The following IRX5 variants were observed in gnomAD, a reference collection of about 807,000 sequenced individuals.
The protein encoded by IRX5 is iroquois-class homeodomain protein IRX-5.
A neutral mutation model predicts 37.6 loss-of-function variants in IRX5; 8 were observed. That is an observed-to-expected ratio of 0.21 (90% CI 0.12 to 0.38). IRX5 has a LOEUF of 0.38. Ranked by LOEUF, IRX5 falls within the 10% of genes least tolerant of loss-of-function variation. The pLI, the probability that IRX5 is intolerant of heterozygous loss-of-function variation, is 1.00. For missense variants in IRX5, 635 were observed against 695.2 expected (o/e 0.91, Z 0.97); for synonymous variants, 359 against 328.6 (o/e 1.09, Z -1.00).
Position 54,932,209 on chromosome 16 carries a change from G to T in IRX5, c.250-289G>T. On this transcript the variant is annotated intron_variant, in intron 1 of 2. Transcript: ENST00000394636. This position sits in a 1 kb window ranked among gnomAD's most constrained non-coding sequence, Gnocchi z 6.7. ...CCGCCGTGGCCAGATCTGCGCACGG[G>T]GTACGGACGTGCCCGGGCAGATGGG... 2 of 700,678 alleles carry T rather than the reference G, an allele frequency of 2.9e-6. No individual in the cohort carries two copies. Among genetic ancestry groups the T allele is most frequent in the Non-Finnish European group, 5.2e-6 (2 of 383,592 alleles). The allele number at this position is 700,678 out of a possible 1,614,324, so 43.4% of individuals were successfully genotyped here. A position where few individuals can be genotyped will look rare whatever the true frequency, so the allele number is the denominator to read the frequency against.
At position 54,932,925 on chromosome 16, in the gene IRX5, C is replaced by T; in HGVS notation, c.655+22C>T. 1 of 1,594,512 alleles carries T rather than the reference C, an allele frequency of 6.3e-7. No individual in the cohort carries two copies. Among genetic ancestry groups the T allele is most frequent in the Middle Eastern group, 1.7e-4 (1 of 5,860 alleles). On this transcript the variant is annotated intron_variant, in intron 2 of 2. Coordinates refer to ENST00000394636, the MANE Select transcript of IRX5 (RefSeq NM_005853.6). The surrounding 1 kb of genome is among the most constrained non-coding windows in gnomAD (Gnocchi z 6.7). ...GCAGGTTGGTGGACATGGGAAAGGG[C>T]GTGTTGGGCGGGAGTAAAAAGGAAA...
chr16:54,931,286 G>A lies in IRX5; in HGVS notation c.88G>A (p.Gly30Arg), dbSNP rs773663250. 1 of 1,612,554 alleles carries A rather than the reference G, an allele frequency of 6.2e-7. No individual in the cohort carries two copies. Among genetic ancestry groups the A allele is most frequent in the Admixed American group, 1.7e-5 (1 of 59,990 alleles). ...GGCGTACAGCACCAGCGTCATTTCG[G>A]GGCCCCGCACGGATGAGCTCGGCCG... ...CPAYSTSVIS[G>R]PRTDELGRSS... is the part of the protein sequence containing the mutation. The change falls in exon 1 of 3, where the codon GGG becomes AGG. Residue 30 changes from glycine to arginine, a missense_variant. By Grantham distance (125) the Gly-to-Arg change is moderately radical. Coordinates refer to ENST00000394636, the MANE Select transcript of IRX5 (RefSeq NM_005853.6).
rs891349249 is a variant in IRX5 at position 54,932,225 on chromosome 16, G to A, written c.250-273G>A. 7 of 693,798 alleles carry A rather than the reference G, an allele frequency of 1.0e-5. No homozygotes were observed. The African/African-American group carries it at 1.1e-4, about 10-fold the overall frequency. 43.0% of individuals were successfully genotyped at this position (693,798 alleles called of 1,614,324 possible). ...TGCGCACGGGGTACGGACGTGCCCG[G>A]GCAGATGGGGGCCTACGGGGTGACA... On this transcript the variant is annotated intron_variant, in intron 1 of 2. Coordinates refer to ENST00000394636, the MANE Select transcript of IRX5 (RefSeq NM_005853.6). This position sits in a 1 kb window ranked among gnomAD's most constrained non-coding sequence, Gnocchi z 6.7.
At position 54,933,447 on chromosome 16, in the gene IRX5, A is replaced by C; in HGVS notation, c.1026A>C (p.Thr342=). ...PKLWSLAEIA[T]SSDKVKDGGG... ...TGTGGTCTTTGGCAGAGATCGCCAC[A>C]TCGTCGGACAAGGTCAAGGACGGGG... The change falls in exon 3 of 3, where the codon ACA becomes ACC. Residue 342 remains threonine (T), a synonymous_variant. Transcript: ENST00000394636. 3 of 1,611,744 alleles carry C rather than the reference A, an allele frequency of 1.9e-6. No homozygotes were observed. The highest frequency in any genetic ancestry group is 2.5e-6 in the Non-Finnish European group (3 of 1,179,460).
rs1963917531 is a variant in IRX5, at chr16:54,932,931, G to A, written c.655+28G>A. ...TGGTGGACATGGGAAAGGGCGTGTT[G>A]GGCGGGAGTAAAAAGGAAAAGAGAG... On this transcript the variant is annotated intron_variant, in intron 2 of 2. Coordinates refer to ENST00000394636, the MANE Select transcript of IRX5 (RefSeq NM_005853.6). The surrounding 1 kb of genome is among the most constrained non-coding windows in gnomAD (Gnocchi z 6.7). The A allele has an allele frequency of 6.3e-7, 1 of 1,592,364 alleles. No homozygotes were observed. The highest frequency in any genetic ancestry group is 2.2e-5 in the East Asian group (1 of 44,626).
In IRX5 at chr16:54,933,815, A is replaced by T. The variant is rs147189488; in HGVS notation, c.1394A>T (p.Gln465Leu). 17 of 1,614,032 alleles carry T rather than the reference A, an allele frequency of 1.1e-5. No homozygotes were observed. In the African/African-American group the frequency reaches 1.9e-4, roughly 18 times the overall value. Residue 465 changes from glutamine (Q) to leucine (L), a missense_variant, in exon 3 of 3, where the codon CAG (glutamine) becomes CTG (leucine). By Grantham distance (113) the Gln-to-Leu change is moderately radical (BLOSUM62 -2). Coordinates refer to ENST00000394636, the MANE Select transcript of IRX5 (RefSeq NM_005853.6). ...CCGAAAATGTTGCGGAGCCAGTCTC[A>T]GCTAGACCTGTGCAAAGACTCTCCC... Reference protein sequence around the residue: ...KDPKMLRSQSQLDLCKDSPYE... With the variant: ...KDPKMLRSQSLLDLCKDSPYE...
Position 54,932,328 on chromosome 16 carries a change from G to A in IRX5, c.250-170G>A, listed in dbSNP as rs1004521316. On this transcript the variant is annotated intron_variant, in intron 1 of 2. Coordinates refer to ENST00000394636, the MANE Select transcript of IRX5 (RefSeq NM_005853.6). The surrounding 1 kb of genome is among the most constrained non-coding windows in gnomAD (Gnocchi z 6.7). ...GGTCCCCGCTGCCTTCTGAGGAGGG[G>A]GAGGAGTTGCTCCTAGGTCTGAACC... 1.4e-6 allele frequency: 1 copy of A among 736,338 alleles called. No homozygotes were observed. The highest frequency in any genetic ancestry group is 2.2e-6 in the Non-Finnish European group (1 of 456,156). The allele number at this position is 736,338 out of a possible 1,614,324, so 45.6% of individuals were successfully genotyped here.
rs770378226 is a variant in IRX5, at chr16:54,933,149, C to T, written c.728C>T (p.Thr243Met). ...QGPPTPAGKE[T>M]EGSLSDSDFK... ...CCACCCACCCCTGCAGGCAAGGAGA[C>T]GGAGGGCAGCCTCAGCGACTCGGAT... Residue 243 changes from threonine (T) to methionine (M), a missense_variant, in exon 3 of 3, where the codon ACG becomes ATG. Transcript: ENST00000394636. 1 of 1,580,016 alleles carries T rather than the reference C, an allele frequency of 6.3e-7. No individual in the cohort carries two copies. The highest frequency in any genetic ancestry group is 8.5e-7 in the Non-Finnish European group (1 of 1,170,502).
chr16:54,931,727 T>G (rs1459947029), intron 1 of IRX5, among the ~76,000 whole-genome samples: 3 of 152,242 alleles, frequency 2.0e-5, no homozygotes, highest in Admixed American at 6.5e-5. Context: ...GGTGTAAACG[T>G]AAGCTCCGGG....
Position 54,932,188 on chromosome 16 carries a change from C to A in IRX5, c.250-310C>A. 2 of 702,804 alleles carry A rather than the reference C, an allele frequency of 2.8e-6. No homozygotes were observed. The highest frequency in any genetic ancestry group is 5.2e-6 in the Non-Finnish European group (2 of 384,962). The allele number at this position is 702,804 out of a possible 1,614,324, so 43.5% of individuals were successfully genotyped here. ...CTATCTGCATGGAGGGCCGGGCCGC[C>A]GTGGCCAGATCTGCGCACGGGGTAC... is the stretch of plus-strand genomic sequence containing the variant. On this transcript the variant is annotated intron_variant, in intron 1 of 2. Coordinates refer to ENST00000394636, the MANE Select transcript of IRX5 (RefSeq NM_005853.6). The surrounding 1 kb of genome is among the most constrained non-coding windows in gnomAD (Gnocchi z 6.7).
chr16:54,933,307 C>T lies in IRX5; in HGVS notation c.886C>T (p.Pro296Ser), dbSNP rs762682097. ...GGCCCCTCACTACCCCGCCGGAGCGCCGGCGCCCGGCCCGCATCCAGCCGC... is the reference window on the plus strand; with the variant it reads ...GGCCCCTCACTACCCCGCCGGAGCGTCGGCGCCCGGCCCGCATCCAGCCGC... ...DPAPHYPAGA[P>S]APGPHPAAGE... The change falls in exon 3 of 3, where the codon CCG becomes TCG. Residue 296 changes from proline to serine, a missense_variant. Pro to Ser is a moderately conservative substitution (Grantham distance 74). This residue lies in a region of IRX5 where 244 missense variants were observed against 205.4 expected (regional missense o/e 1.19). Coordinates refer to ENST00000394636, the MANE Select transcript of IRX5 (RefSeq NM_005853.6). The T allele has an allele frequency of 7.1e-7, 1 of 1,413,496 alleles. No individual in the cohort carries two copies. The highest frequency in any genetic ancestry group is 1.5e-5 in the South Asian group (1 of 65,878). 87.6% of individuals were successfully genotyped at this position (1,413,496 alleles called of 1,614,324 possible). A position where few individuals can be genotyped will look rare whatever the true frequency, so the allele number is the denominator to read the frequency against.
chr16:54,932,623 G>C lies in IRX5; in HGVS notation c.375G>C (p.Thr125=). The stretch of plus-strand genomic sequence containing the variant: ...GGAAGAACGCCACAAGGGACGCCAC[G>C]GCTACCCTCAAGGCCTGGCTCAACG... The part of the protein sequence containing the change: ...AYRKNATRDA[T]ATLKAWLNEH... The change falls in exon 2 of 3, where the codon ACG becomes ACC. Residue 125 remains threonine, a synonymous_variant. Coordinates refer to ENST00000394636, the MANE Select transcript of IRX5 (RefSeq NM_005853.6). This position sits in a 1 kb window ranked among gnomAD's most constrained non-coding sequence, Gnocchi z 6.7. 1 of 1,614,060 alleles carries C rather than the reference G, an allele frequency of 6.2e-7. No homozygotes were observed. Among genetic ancestry groups the C allele is most frequent in the Non-Finnish European group, 8.5e-7 (1 of 1,180,016 alleles).
chr16:54,932,763 A>G lies in IRX5; in HGVS notation c.515A>G (p.Lys172Arg), dbSNP rs773238848. Reference sequence around the variant, plus strand: ...TTCGCCAACGCGCGCCGGCGCCTCAAGAAAGAGAATAAAATGACGTGGACG... The same window carrying G: ...TTCGCCAACGCGCGCCGGCGCCTCAGGAAAGAGAATAAAATGACGTGGACG... ...TWFANARRRLKKENKMTWTPR... is the reference protein window; with the variant it reads ...TWFANARRRLRKENKMTWTPR... The change falls in exon 2 of 3, where the codon AAG (lysine) becomes AGG (arginine). Residue 172 changes from lysine to arginine, a missense_variant. This residue lies in a region of IRX5 where 55 missense variants were observed against 120.5 expected (regional missense o/e 0.46). Coordinates refer to ENST00000394636, the MANE Select transcript of IRX5 (RefSeq NM_005853.6). This position sits in a 1 kb window ranked among gnomAD's most constrained non-coding sequence, Gnocchi z 6.7. The G allele has an allele frequency of 4.3e-6, 7 of 1,613,948 alleles. No individual in the cohort carries two copies. The highest frequency in any genetic ancestry group is 2.7e-5 in the African/African-American group (2 of 74,920).
At position 54,933,118 on chromosome 16, in the gene IRX5, C is replaced by T; in HGVS notation, c.697C>T (p.Gln233Ter). 1 of 1,588,696 alleles carries T rather than the reference C, an allele frequency of 6.3e-7. No individual in the cohort carries two copies. ...QKAASGCERL[Q>*]GPPTPAGKET... is the part of the protein sequence containing the mutation. ...GGCGGCTTCGGGCTGCGAACGGCTT[C>T]AGGGACCACCCACCCCTGCAGGCAA... The change falls in exon 3 of 3, where the codon CAG becomes TAG. Residue 233 changes from glutamine (Q) to a stop codon, truncating the protein, a stop_gained. Coordinates refer to ENST00000394636, the MANE Select transcript of IRX5 (RefSeq NM_005853.6). LOFTEE classifies it high-confidence loss of function.
chr16:54,931,589 C>T, intron 1 of IRX5, 142 bp downstream of exon 1: 2 of 1,203,850 alleles, frequency 1.7e-6, no homozygotes, highest in Non-Finnish European at 2.2e-6. Flanking sequence ...GCGATTGTCT[C>T]CGCCAGCTTC....
At position 54,933,320 on chromosome 16, in the gene IRX5, C is replaced by T. The variant is rs774473159; in HGVS notation, c.899C>T (p.Pro300Leu). Reference sequence around the variant, plus strand: ...CCCGCCGGAGCGCCGGCGCCCGGCCCGCATCCAGCCGCGGGCGAGGTGCCT... The same window carrying T: ...CCCGCCGGAGCGCCGGCGCCCGGCCTGCATCCAGCCGCGGGCGAGGTGCCT... ...HYPAGAPAPG[P>L]HPAAGEVPPG... Residue 300 changes from proline (P) to leucine (L), a missense_variant, in exon 3 of 3, where the codon CCG becomes CTG. By Grantham distance (98) the Pro-to-Leu change is moderately conservative. This residue lies in a region of IRX5 where 244 missense variants were observed against 205.4 expected (regional missense o/e 1.19). Coordinates refer to ENST00000394636, the MANE Select transcript of IRX5 (RefSeq NM_005853.6). 2.1e-6 allele frequency: 3 copies of T among 1,452,240 alleles called. No individual in the cohort carries two copies. Among genetic ancestry groups the T allele is most frequent in the Non-Finnish European group, 2.7e-6 (3 of 1,107,262 alleles). The allele number at this position is 1,452,240 out of a possible 1,614,324, so 90.0% of individuals were successfully genotyped here. A position where few individuals can be genotyped will look rare whatever the true frequency, so the allele number is the denominator to read the frequency against.
rs377649301 is a variant in IRX5, at chr16:54,933,562, G to A, written c.1141G>A (p.Ala381Thr). ...LGGSRASPAPAPSRSPSAQCP... is the reference protein window; with the variant it reads ...LGGSRASPAPTPSRSPSAQCP... ...AGGCAGCCGGGCGTCGCCGGCCCCG[G>A]CGCCGTCACGCTCGCCCTCGGCGCA... Residue 381 changes from alanine (A) to threonine (T), a missense_variant, in exon 3 of 3, where the codon GCG (alanine) becomes ACG (threonine). Physicochemically the swap from Ala to Thr is moderately conservative, Grantham distance 58 (BLOSUM62 0). Around this residue, in one of 5 missense-constraint regions of IRX5, gnomAD observed 188 missense variants for 200.8 expected, o/e 0.94. Transcript: ENST00000394636. The A allele has an allele frequency of 1.3e-4, 213 of 1,608,280 alleles. No homozygotes were observed. Among genetic ancestry groups the A allele is most frequent in the Non-Finnish European group, 1.6e-4 (193 of 1,177,210 alleles).
At chr16:54,931,790 A>G (rs866231074) in intron 1 of IRX5, among the ~76,000 whole-genome samples, 2 of 152,238 alleles carry the variant, frequency 1.3e-5, no homozygotes, top group Non-Finnish European at 2.9e-5. Context: ...AAGTAGTTCA[A>G]AAGAAATAGA....
intron 1 of IRX5, 101 bp downstream of exon 1, chr16:54,931,548 C>G (rs1963897888): frequency 1.4e-6 from 2 of 1,389,622 alleles, no homozygotes; most frequent in Non-Finnish European, 9.4e-7. Flanking sequence ...CCGACCTCCC[C>G]CGCCAAGCTT....
Sources: allele counts gnomAD v4.1 joint callset (sites outside exome capture counted in the v4.1 genomes callset), GRCh38; gene constraint gnomAD v4.1.1; regional missense constraint gnomAD v4.1.1; non-coding constraint Gnocchi (gnomAD v3.1); transcripts MANE v1.5; gene names NCBI Gene and HGNC (gene_info 2026-07-23, HGNC 2026-07-21).